Variants in ANKS1B observed in about 807,000 individuals in gnomAD.
ANKS1B encodes the protein ankyrin repeat and sterile alpha motif domain containing 1B, also known as ankyrin repeat and sterile alpha motif domain-containing protein 1B.
ANKS1B carries 36 observed loss-of-function variants against 148.3 expected under a neutral mutation model. That is an observed-to-expected ratio of 0.24 (90% CI 0.19 to 0.32). ANKS1B has a LOEUF of 0.32. Among genes scored for constraint, ANKS1B ranks in the 10% least tolerant of loss-of-function variants. The pLI is 1.00. For synonymous variants in ANKS1B, 542 were observed against 560.8 expected, an observed-to-expected ratio of 0.97 and a Z score of 0.47; for missense variants, 1,157 against 1,542.6, an observed-to-expected ratio of 0.75 and a Z score of 4.19.
At chr12:99,107,962 A>C (rs185035782) in intron 15 of ANKS1B, among the ~76,000 whole-genome samples, 1 of 152,332 alleles carries the variant, frequency 6.6e-6, no homozygotes, top group Admixed American at 6.5e-5. Context: ...AAAATCCAGG[A>C]TATCTATATC....
intron 9 of ANKS1B, among the ~76,000 whole-genome samples, chr12:99,563,537 C>T (rs1433396135): frequency 6.6e-6 from 1 of 152,074 alleles, no homozygotes; most frequent in African/African-American, 2.4e-5. Flanking sequence ...GTTAACTATC[C>T]TATAATGGGC....
chr12:99,673,896 T>C (rs1296375736), intron 8 of ANKS1B, among the ~76,000 whole-genome samples: 1 of 151,654 alleles, frequency 6.6e-6, no homozygotes, highest in Non-Finnish European at 1.5e-5. Flanking sequence ...AGCTCAAAAT[T>C]ATAATTTAGA....
intron 17 of ANKS1B, among the ~76,000 whole-genome samples, chr12:98,995,146 G>A (rs1242861137): frequency 2.6e-5 from 4 of 152,062 alleles, no homozygotes; most frequent in Non-Finnish European, 4.4e-5. Context: ...TTTTAATAAT[G>A]CTATAACCTT....
chr12:99,455,143 T>C (rs1354497135), intron 10 of ANKS1B, among the ~76,000 whole-genome samples: 1 of 152,176 alleles, frequency 6.6e-6, no homozygotes, highest in African/African-American at 2.4e-5. Flanking sequence ...GGTCCCTGTA[T>C]TCATCTTCTA....
chr12:99,346,259 T>A (rs1264517573), intron 12 of ANKS1B, among the ~76,000 whole-genome samples: 1 of 151,838 alleles, frequency 6.6e-6, no homozygotes, highest in Non-Finnish European at 1.5e-5. Context: ...CTCACTTTTC[T>A]TATGTATTTT....
intron 12 of ANKS1B, among the ~76,000 whole-genome samples, chr12:99,347,487 T>C (rs2090864520): frequency 6.6e-6 from 1 of 151,980 alleles, no homozygotes; most frequent in Non-Finnish European, 1.5e-5. Flanking sequence ...TGTAAACTGC[T>C]TAGCTGAGTG....
intron 10 of ANKS1B, among the ~76,000 whole-genome samples, chr12:99,481,062 A>C (rs11836307): frequency 0.1 from 15,826 of 151,576 alleles, 1,134 homozygotes; most frequent in East Asian, 0.29. Context: ...TTTGAGGTAT[A>C]AGTGGTTTTA....
chr12:99,832,514 A>C (rs1373551436), intron 1 of ANKS1B, among the ~76,000 whole-genome samples: 1 of 152,080 alleles, frequency 6.6e-6, no homozygotes, highest in Non-Finnish European at 1.5e-5. Context: ...ACTTGAGGTC[A>C]GGAGTTCGAA....
intron 17 of ANKS1B, among the ~76,000 whole-genome samples, chr12:98,951,099 T>C (rs1237948929): frequency 1.3e-5 from 2 of 152,192 alleles, no homozygotes; most frequent in African/African-American, 4.8e-5. Context: ...CTCAAAGGAA[T>C]CTGTGGTTTC....
At chr12:99,977,649 A>T (rs530102530) in intron 1 of ANKS1B, among the ~76,000 whole-genome samples, 1 of 152,216 alleles carries the variant, frequency 6.6e-6, no homozygotes, top group Non-Finnish European at 1.5e-5. Context: ...GACACCAAAG[A>T]AGAAAAGTAG....
At chr12:99,671,171 C>T (rs2098536427) in intron 8 of ANKS1B, among the ~76,000 whole-genome samples, 1 of 152,056 alleles carries the variant, frequency 6.6e-6, no homozygotes, top group East Asian at 1.9e-4. Flanking sequence ...ACAATATTTT[C>T]TATTATTTGT....
intron 9 of ANKS1B, among the ~76,000 whole-genome samples, chr12:99,571,085 G>T (rs181819125): frequency 4.7e-4 from 71 of 152,014 alleles, no homozygotes; most frequent in Middle Eastern, 6.8e-3. Flanking sequence ...CAGGTATTTT[G>T]TTCATTATAC....
At chr12:99,784,173 T>C (rs1218169982) in intron 4 of ANKS1B, among the ~76,000 whole-genome samples, 2 of 145,630 alleles carry the variant, frequency 1.4e-5, no homozygotes, top group Non-Finnish European at 3.0e-5. Context: ...ACTTTCTTTT[T>C]TTTTTTTTTT....
At chr12:99,154,774 G>A (rs2075797992) in intron 14 of ANKS1B, 2 of 1,446,476 alleles carry the variant, frequency 1.4e-6, no homozygotes, top group South Asian at 1.5e-5. Flanking sequence ...TGCACGGCCG[G>A]CAGCCAGAAT....
chr12:99,715,992 C>T (rs1052851600), intron 8 of ANKS1B, among the ~76,000 whole-genome samples: 7 of 152,286 alleles, frequency 4.6e-5, no homozygotes, highest in East Asian at 3.9e-4. Flanking sequence ...CATTTACCCA[C>T]GTTTCAGAGG....
intron 12 of ANKS1B, among the ~76,000 whole-genome samples, chr12:99,375,078 A>C (rs941067888): frequency 1.3e-5 from 2 of 152,216 alleles, no homozygotes; most frequent in Non-Finnish European, 2.9e-5. Flanking sequence ...CTTAAAGGCT[A>C]CTTGGTGAAC....
In ANKS1B at chr12:99,240,173, C is replaced by T. The variant is rs570170445; in HGVS notation, c.2419+4169G>A. ...TGTGCTGTATTCAGGAGACACATCTCACATGCAGAGACACACATAGGCTCA... is the reference window on the plus strand; with the variant it reads ...TGTGCTGTATTCAGGAGACACATCTTACATGCAGAGACACACATAGGCTCA... On this transcript the variant is annotated intron_variant, in intron 14 of 26. Coordinates refer to ENST00000683438, the MANE Select transcript of ANKS1B (RefSeq NM_001352186.2). Among the ~76,000 whole-genome samples the T allele has an allele frequency of 1.1e-4, 17 of 152,214 alleles. No individual in the cohort carries two copies. The South Asian group carries it at 3.5e-3, about 32-fold the overall frequency.
At chr12:99,863,017 T>G (rs554860559) in intron 1 of ANKS1B, among the ~76,000 whole-genome samples, 1 of 152,210 alleles carries the variant, frequency 6.6e-6, no homozygotes, top group African/African-American at 2.4e-5. Flanking sequence ...CCAGCTGTCA[T>G]GAGGAATAGA....
At chr12:99,702,709 A>T (rs963526342) in intron 8 of ANKS1B, among the ~76,000 whole-genome samples, 1 of 109,734 alleles carries the variant, frequency 9.1e-6, no homozygotes, top group African/African-American at 3.1e-5. Context: ...AACCCAGCTA[A>T]TTTTTTTTTT....
Sources: allele counts gnomAD v4.1 joint callset (sites outside exome capture counted in the v4.1 genomes callset), GRCh38; gene constraint gnomAD v4.1.1; transcripts MANE v1.5; gene names NCBI Gene and HGNC (gene_info 2026-07-23, HGNC 2026-07-21).